Variants in TEKT1 observed in about 807,000 individuals in gnomAD.
The protein encoded by TEKT1 is tektin-1.
A neutral mutation model predicts 34.8 loss-of-function variants in TEKT1; 32 were observed. That is an observed-to-expected ratio of 0.92 (90% CI 0.69 to 1.23). TEKT1 has a LOEUF of 1.23. Among genes scored for constraint, TEKT1 ranks in the 50% most tolerant of loss-of-function variants. The pLI, the probability that TEKT1 is intolerant of heterozygous loss-of-function variation, is 0.00. For missense variants in TEKT1, 492 were observed against 518.5 expected, an observed-to-expected ratio of 0.95 and a Z score of 0.50; for synonymous variants, 207 against 199.8, an observed-to-expected ratio of 1.04 and a Z score of -0.30.
In TEKT1 at chr17:6,811,114, T is replaced by C. The variant is rs76086472; in HGVS notation, c.852+1717A>G. On this transcript the variant is annotated intron_variant, in intron 6 of 7. Coordinates refer to ENST00000338694, the MANE Select transcript of TEKT1 (RefSeq NM_053285.2). The surrounding 1 kb of genome is among the most constrained non-coding windows in gnomAD (Gnocchi z 4.4). ...CTCCTTAGCCTCTTCTCTTCCTCTC[T>C]TCTCTTCTCAGTGCTCTCCCATCCT... Among the ~76,000 whole-genome samples the C allele has an allele frequency of 0.13, 19,613 of 152,102 alleles. 1,499 individuals carry two copies. Among genetic ancestry groups the C allele is most frequent in the Admixed American group, 0.15 (2,265 of 15,272 alleles).
chr17:6,826,122 C>T (rs1904389074), intron 2 of TEKT1, among the ~76,000 whole-genome samples: 1 of 152,176 alleles, frequency 6.6e-6, no homozygotes, highest in Non-Finnish European at 1.5e-5. Context: ...TTGTTCTCTT[C>T]CTTCTTTTTA....
At chr17:6,827,257 A>ACTTTTTTTTTTT (rs528734641) in intron 2 of TEKT1, among the ~76,000 whole-genome samples, 1 of 124,276 alleles carries the variant, frequency 8.0e-6, no homozygotes. Flanking sequence ...AGTTGTGCCA[A>ACTTTTTTTTTTT]TTTTTTTTTT....
intron 3 of TEKT1, among the ~76,000 whole-genome samples, chr17:6,817,136 G>A (rs958051890): frequency 1.3e-5 from 2 of 152,206 alleles, no homozygotes; most frequent in African/African-American, 4.8e-5. Context: ...AGCATTTTGG[G>A]AGGCTGAGGC....
chr17:6,809,966 T>C (rs1567678053), intron 6 of TEKT1, among the ~76,000 whole-genome samples: 1 of 152,252 alleles, frequency 6.6e-6, no homozygotes. Context: ...CACAGGTTTT[T>C]GTATGAACAT....
intron 6 of TEKT1, among the ~76,000 whole-genome samples, chr17:6,810,038 G>A (rs1475020696): frequency 6.6e-6 from 1 of 152,208 alleles, no homozygotes; most frequent in Non-Finnish European, 1.5e-5. Flanking sequence ...AAGAGTATAT[G>A]TTTAGCCTTG....
intron 3 of TEKT1, 40 bp from the exon 4 acceptor site, chr17:6,816,002 A>T (rs1266606491): frequency 6.2e-7 from 1 of 1,610,346 alleles, no homozygotes; most frequent in Admixed American, 1.7e-5. Flanking sequence ...AACACGTGCA[A>T]CATGAGGTGA....
intron 2 of TEKT1, among the ~76,000 whole-genome samples, chr17:6,825,988 A>G (rs1453936742): frequency 6.6e-6 from 1 of 152,252 alleles, no homozygotes; most frequent in Non-Finnish European, 1.5e-5. Flanking sequence ...GGTGAAAAGT[A>G]TGCATGTCTT....
chr17:6,806,954 G>T (rs1976853508), intron 6 of TEKT1, among the ~76,000 whole-genome samples: 1 of 152,006 alleles, frequency 6.6e-6, no homozygotes, highest in African/African-American at 2.4e-5. Flanking sequence ...TCTTGGAGTT[G>T]CTCTTCTCAA....
intron 6 of TEKT1, among the ~76,000 whole-genome samples, chr17:6,804,535 T>C (rs1402147347): frequency 2.6e-5 from 4 of 152,244 alleles, no homozygotes; most frequent in Non-Finnish European, 5.9e-5. Context: ...CCCTGTCTTG[T>C]GCCAGTTTTC....
At chr17:6,825,853 G>A (rs1904382766) in intron 2 of TEKT1, among the ~76,000 whole-genome samples, 1 of 151,644 alleles carries the variant, frequency 6.6e-6, no homozygotes, top group African/African-American at 2.4e-5. Context: ...CCATCCTACT[G>A]TTGATAAGCA....
At chr17:6,824,654 G>A (rs143216241) in intron 2 of TEKT1, among the ~76,000 whole-genome samples, 113 of 152,244 alleles carry the variant, frequency 7.4e-4, no homozygotes, top group African/African-American at 2.5e-3. Context: ...TTTTACTTGT[G>A]TTGTGTCTCT....
chr17:6,812,918 C>T lies in TEKT1; in HGVS notation c.765G>A (p.Lys255=). ...ILSQTANDLR[K]QCDVVDTAFK... is the part of the protein sequence containing the mutation. ...ATGCCGTGTCCACCACATCACACTG[C>T]TTGCGCAGATCATTGGCTGTCTGGG... The change falls in exon 6 of 8, where the codon AAG becomes AAA. Residue 255 remains lysine (K), a synonymous_variant. Transcript: ENST00000338694. The T allele has an allele frequency of 1.2e-6, 2 of 1,614,240 alleles. No homozygotes were observed. The highest frequency in any genetic ancestry group is 1.7e-6 in the Non-Finnish European group (2 of 1,180,040).
chr17:6,817,732 A>T (rs1305991394), intron 3 of TEKT1, among the ~76,000 whole-genome samples: 4 of 152,224 alleles, frequency 2.6e-5, no homozygotes, highest in Admixed American at 2.6e-4. Context: ...TAGCCACTAT[A>T]TAACCTACCT....
Position 6,815,151 on chromosome 17 carries a change from A to G in TEKT1, c.629+12T>C. On this transcript the variant is annotated intron_variant, in intron 5 of 7. Transcript: ENST00000338694. ...GTCACCCGCGAGGAGGAAGACGGCA[A>G]GGCCCACTCACTTTGGCTCAATCCT... 6.2e-7 allele frequency: 1 copy of G among 1,604,292 alleles called. No homozygotes were observed. The highest frequency in any genetic ancestry group is 8.5e-7 in the Non-Finnish European group (1 of 1,174,754).
At chr17:6,823,141 T>C (rs942213958) in intron 2 of TEKT1, among the ~76,000 whole-genome samples, 3 of 152,200 alleles carry the variant, frequency 2.0e-5, no homozygotes, top group Admixed American at 2.0e-4. Flanking sequence ...CTTTTAACCT[T>C]TAACCTTCTG....
At position 6,815,936 on chromosome 17, in the gene TEKT1, A is replaced by G; in HGVS notation, c.383T>C (p.Val128Ala). 6.2e-7 allele frequency: 1 copy of G among 1,614,096 alleles called. No individual in the cohort carries two copies. Among genetic ancestry groups the G allele is most frequent in the Non-Finnish European group, 8.5e-7 (1 of 1,180,014 alleles). Residue 128 changes from valine (V) to alanine (A), a missense_variant, in exon 4 of 8, where the codon GTG (valine) becomes GCG (alanine). Coordinates refer to ENST00000338694, the MANE Select transcript of TEKT1 (RefSeq NM_053285.2). ...CAGCTCATGCTCCACTGTGTCGTGC[A>G]CCAGGTCAATGCCAATGCGCTTCTC... Reference protein sequence around the residue: ...YREKRIGIDLVHDTVEHELIK... With the variant: ...YREKRIGIDLAHDTVEHELIK...
intron 6 of TEKT1, among the ~76,000 whole-genome samples, chr17:6,801,713 A>G (rs939814289): frequency 1.3e-5 from 2 of 152,242 alleles, no homozygotes; most frequent in Non-Finnish European, 2.9e-5. Flanking sequence ...GCCTCAGAAA[A>G]AAAAGAAAAG....
chr17:6,804,164 G>C (rs1186955391), intron 6 of TEKT1, among the ~76,000 whole-genome samples: 1 of 152,008 alleles, frequency 6.6e-6, no homozygotes, highest in Non-Finnish European at 1.5e-5. Context: ...TCTCCTTGAA[G>C]AGGTCCTTCA....
At chr17:6,812,265 T>C (rs945768665) in intron 6 of TEKT1, among the ~76,000 whole-genome samples, 1 of 152,126 alleles carries the variant, frequency 6.6e-6, no homozygotes, top group Admixed American at 6.5e-5. Flanking sequence ...TAAACCTCTT[T>C]CCTTTATAAA....
Sources: gnomAD v4.1 joint callset for allele counts (sites outside exome capture counted in the v4.1 genomes callset) on GRCh38, gnomAD v4.1.1 for gene constraint, Gnocchi (gnomAD v3.1) non-coding constraint, MANE v1.5 for transcripts, NCBI Gene and HGNC (gene_info 2026-07-23, HGNC 2026-07-21) for gene names.